The following CR1 variants were observed in gnomAD, a reference collection of about 807,000 sequenced individuals.
CR1 encodes the protein complement C3b/C4b receptor 1 (Knops blood group).
CR1 carries 116 observed loss-of-function variants against 187.3 expected under a neutral mutation model. The observed-to-expected ratio is 0.62, with a 90% CI of 0.53 to 0.72. The LOEUF (loss-of-function observed/expected upper bound fraction) is 0.72. Among genes scored for constraint, CR1 ranks in the 30% least tolerant of loss-of-function variants. CR1 has a pLI of 0.00. For missense variants in CR1, 1,731 were observed against 2,110.7 expected, an observed-to-expected ratio of 0.82 and a Z score of 3.52; for synonymous variants, 576 against 747.1, an observed-to-expected ratio of 0.77 and a Z score of 3.73.
intron 40 of CR1, among the ~76,000 whole-genome samples, chr1:207,615,167 T>A (rs1463290019): frequency 6.6e-6 from 1 of 152,192 alleles, no homozygotes; most frequent in African/African-American, 2.4e-5. Flanking sequence ...AGCTTGTTTT[T>A]TAGCCTGCAG....
At chr1:207,608,104 C>T (rs1440086129) in intron 36 of CR1, among the ~76,000 whole-genome samples, 1 of 152,082 alleles carries the variant, frequency 6.6e-6, no homozygotes, top group Non-Finnish European at 1.5e-5. Context: ...GATTTTGGTC[C>T]AGAGATACTC....
chr1:207,525,881 A>T (rs1660152640), intron 5 of CR1, among the ~76,000 whole-genome samples: 1 of 152,082 alleles, frequency 6.6e-6, no homozygotes, highest in Admixed American at 6.5e-5. Flanking sequence ...TCATTTTTCT[A>T]TTCCAATCCC....
intron 37 of CR1, among the ~76,000 whole-genome samples, chr1:207,610,240 A>G (rs772903001): frequency 2.0e-5 from 3 of 152,170 alleles, no homozygotes; most frequent in Non-Finnish European, 4.4e-5. Context: ...ATATATATGT[A>G]TATACACACA....
intron 35 of CR1, among the ~76,000 whole-genome samples, chr1:207,603,749 G>T (rs144808591): frequency 1.3e-5 from 2 of 152,000 alleles, no homozygotes; most frequent in African/African-American, 4.8e-5. Context: ...TTATTACTTG[G>T]ATAGTCCATA....
chr1:207,621,923 A>G (rs750780921), intron 43 of CR1, 50 bp from the exon 44 acceptor site: 26 of 1,513,290 alleles, frequency 1.7e-5, no homozygotes, highest in East Asian at 2.3e-5. Context: ...GTCCTGTTCA[A>G]TCATGTTGCA....
intron 45 of CR1, among the ~76,000 whole-genome samples, chr1:207,625,720 G>A (rs1436711902): frequency 1.3e-5 from 2 of 152,058 alleles, no homozygotes; most frequent in African/African-American, 4.8e-5. Flanking sequence ...TGGGGATGGG[G>A]GTGTGGGAAA....
chr1:207,640,255 A>AC lies in CR1; in HGVS notation c.*846_*847insC, dbSNP rs1662942384. ...TGCCTCAGCCTCCTGAGTAGTTGGGATTACCAGTAGATGGGACTACAGGCA... is the reference window on the plus strand; with the variant it reads ...TGCCTCAGCCTCCTGAGTAGTTGGGACTTACCAGTAGATGGGACTACAGGCA... On this transcript the variant is annotated 3_prime_UTR_variant, in exon 47 of 47. Coordinates refer to ENST00000367049, the MANE Select transcript of CR1 (RefSeq NM_000651.6). 5.9e-5 allele frequency: 9 copies of AC among 152,200 alleles called. No homozygotes were observed. The highest frequency in any genetic ancestry group is 1.4e-4 in the African/African-American group (6 of 41,498). The allele number at this position is 152,200 out of a possible 1,614,324, so 9.4% of individuals were successfully genotyped here. A position where few individuals can be genotyped will look rare whatever the true frequency, so the allele number is the denominator to read the frequency against.
rs1283312188 is a variant in CR1, at chr1:207,523,723, A to G, written c.600A>G (p.Gly200=). ...CCTACCGCTGCAATCCTGGAAGCGG[A>G]GGGAGAAAGGTGTTTGAGCTTGTGG... ...VVTYRCNPGS[G]GRKVFELVGE... The change falls in exon 5 of 47, where the codon GGA becomes GGG. Residue 200 remains glycine (G), a synonymous_variant. Coordinates refer to ENST00000367049, the MANE Select transcript of CR1 (RefSeq NM_000651.6). 1 of 1,612,680 alleles carries G rather than the reference A, an allele frequency of 6.2e-7. No individual in the cohort carries two copies. Among genetic ancestry groups the G allele is most frequent in the Non-Finnish European group, 8.5e-7 (1 of 1,179,874 alleles).
Position 207,609,442 on chromosome 1 carries a change from T to C in CR1, c.6049T>C (p.Tyr2017His), listed in dbSNP as rs1165035355. Residue 2017 changes from tyrosine to histidine, a missense_variant, in exon 37 of 47, where the codon TAT becomes CAT. Transcript: ENST00000367049. ...TGAGCTTGTGGGAGAACGGTCAATA[T>C]ATTGCACCAGCAAAGATGATCAAGT... ...LFELVGERSI[Y>H]CTSKDDQVGV... The C allele has an allele frequency of 1.2e-6, 2 of 1,613,872 alleles. No homozygotes were observed. The highest frequency in any genetic ancestry group is 4.5e-5 in the East Asian group (2 of 44,900).
At chr1:207,574,604 A>T (rs1660678695) in intron 27 of CR1, among the ~76,000 whole-genome samples, 1 of 152,242 alleles carries the variant, frequency 6.6e-6, no homozygotes, top group Admixed American at 6.5e-5. Context: ...CAATGTAATC[A>T]TAATTTACTA....
chr1:207,582,623 G>A (rs1660992512), intron 32 of CR1, among the ~76,000 whole-genome samples: 4 of 152,216 alleles, frequency 2.6e-5, no homozygotes. Flanking sequence ...GCAAACCTCT[G>A]GGTGTAGCTG....
intron 35 of CR1, among the ~76,000 whole-genome samples, chr1:207,593,910 C>A (rs2102362698): frequency 6.6e-6 from 1 of 152,340 alleles, no homozygotes; most frequent in Non-Finnish European, 1.5e-5. Flanking sequence ...GAGATACCAT[C>A]TTGGGCCAGT....
chr1:207,610,789 A>T (rs1415594249), intron 37 of CR1, among the ~76,000 whole-genome samples: 1 of 151,714 alleles, frequency 6.6e-6, no homozygotes, highest in African/African-American at 2.4e-5. Flanking sequence ...GTTTATTTTT[A>T]ATTTATTAAT....
chr1:207,517,255 T>G (rs976346555), intron 4 of CR1, among the ~76,000 whole-genome samples: 1 of 152,130 alleles, frequency 6.6e-6, no homozygotes, highest in Non-Finnish European at 1.5e-5. Flanking sequence ...GTGTTATAGA[T>G]GATTATCCTA....
chr1:207,564,018 C>G lies in CR1; in HGVS notation c.3741C>G (p.Ser1247Arg). 2.0e-6 allele frequency: 3 copies of G among 1,522,940 alleles called. 1 individual carries two copies. The highest frequency in any genetic ancestry group is 2.6e-6 in the Non-Finnish European group (3 of 1,150,186). The allele number at this position is 1,522,940 out of a possible 1,614,324, so 94.3% of individuals were successfully genotyped here. A position where few individuals can be genotyped will look rare whatever the true frequency, so the allele number is the denominator to read the frequency against. ...SMRCTPQGDW[S>R]PAAPTCEVKS... ...GCTGCACACCCCAGGGAGACTGGAGCCCTGCAGCCCCCACATGTGAAGGTG... is the reference window on the plus strand; with the variant it reads ...GCTGCACACCCCAGGGAGACTGGAGGCCTGCAGCCCCCACATGTGAAGGTG... The change falls in exon 22 of 47, where the codon AGC (serine) becomes AGG (arginine). Residue 1247 changes from serine (S) to arginine (R), a missense_variant. By Grantham distance (110) the Ser-to-Arg change is moderately radical. This residue lies in a region of CR1 where 34 missense variants were observed against 79.5 expected (regional missense o/e 0.43). Coordinates refer to ENST00000367049, the MANE Select transcript of CR1 (RefSeq NM_000651.6).
intron 41 of CR1, among the ~76,000 whole-genome samples, chr1:207,617,612 TAGAGAGAGAGAG>T (rs1156448710): frequency 0.012 from 266 of 21,870 alleles, 5 homozygotes; most frequent in African/African-American, 0.034. Flanking sequence ...TATATATATA[TAGAGAGAGAGAG>T]AGAGAGAGAG....
At position 207,578,033 on chromosome 1, in the gene CR1, C is replaced by T. The variant is rs534561631; in HGVS notation, c.4766C>T (p.Thr1589Met). 2.0e-5 allele frequency: 33 copies of T among 1,611,482 alleles called. No homozygotes were observed. In the East Asian group the frequency reaches 2.5e-4, roughly 12 times the overall value. Reference sequence around the variant, plus strand: ...CAGTGCATTATACCTAACAAATGCACGCCTCCAAATGTGGAAAATGGAATA... The same window carrying T: ...CAGTGCATTATACCTAACAAATGCATGCCTCCAAATGTGGAAAATGGAATA... ...APQCIIPNKCTPPNVENGILV... is the reference protein window; with the variant it reads ...APQCIIPNKCMPPNVENGILV... The change falls in exon 29 of 47, where the codon ACG becomes ATG. Residue 1589 changes from threonine to methionine, a missense_variant. By Grantham distance (81) the Thr-to-Met change is moderately conservative. This residue lies in a region of CR1 where 1,312 missense variants were observed against 1,379.6 expected (regional missense o/e 0.95). Coordinates refer to ENST00000367049, the MANE Select transcript of CR1 (RefSeq NM_000651.6).
intron 13 of CR1, among the ~76,000 whole-genome samples, chr1:207,544,794 G>A (rs977065773): frequency 7.0e-5 from 10 of 143,546 alleles, no homozygotes; most frequent in East Asian, 4.1e-4. Context: ...TCAGGTGGCC[G>A]CTGAGAGAAG....
At chr1:207,626,053 T>A (rs1245957089) in intron 45 of CR1, among the ~76,000 whole-genome samples, 1 of 152,182 alleles carries the variant, frequency 6.6e-6, no homozygotes, top group Non-Finnish European at 1.5e-5. Context: ...GAGACTGTTA[T>A]TATCCTTGCT....
Sources: allele counts gnomAD v4.1 joint callset (sites outside exome capture counted in the v4.1 genomes callset), GRCh38; gene constraint gnomAD v4.1.1; regional missense constraint gnomAD v4.1.1; transcripts MANE v1.5; gene names NCBI Gene and HGNC (gene_info 2026-07-23, HGNC 2026-07-21).